The following DSCAM variants were observed in gnomAD, a reference collection of about 807,000 sequenced individuals.
DSCAM encodes cell adhesion molecule DSCAM.
A neutral mutation model predicts 217.7 loss-of-function variants in DSCAM; 47 were observed. The ratio of observed to expected loss-of-function variants is 0.22; its 90% CI spans 0.17 to 0.28. DSCAM has a LOEUF of 0.28. Among genes scored for constraint, DSCAM ranks in the 10% least tolerant of loss-of-function variants. The pLI is 1.00. For missense variants in DSCAM, 2,080 were observed against 2,618.3 expected (o/e 0.79, Z 4.49); for synonymous variants, 1,056 against 1,015.3 (o/e 1.04, Z -0.76).
At chr21:40,169,724 A>G (rs891115417) in intron 15 of DSCAM, among the ~76,000 whole-genome samples, 13 of 152,282 alleles carry the variant, frequency 8.5e-5, no homozygotes, top group African/African-American at 3.1e-4. Context: ...TAATTAAAAC[A>G]AAGGTGTTAA....
chr21:40,232,942 A>C (rs1047746376), intron 11 of DSCAM, among the ~76,000 whole-genome samples: 1 of 152,120 alleles, frequency 6.6e-6, no homozygotes, highest in Non-Finnish European at 1.5e-5. Flanking sequence ...AAGGAAATTA[A>C]ATATGTATAA....
At chr21:40,185,501 G>A (rs948628384) in intron 14 of DSCAM, among the ~76,000 whole-genome samples, 1 of 152,308 alleles carries the variant, frequency 6.6e-6, no homozygotes, top group East Asian at 1.9e-4. Context: ...GTCCTGGGCT[G>A]CTCCAGTAGG....
At chr21:40,309,381 G>GCTGAA (rs1247064840) in intron 9 of DSCAM, among the ~76,000 whole-genome samples, 2 of 152,124 alleles carry the variant, frequency 1.3e-5, no homozygotes, top group Non-Finnish European at 2.9e-5. Context: ...ATTCAATACT[G>GCTGAA]TTTAATATTC....
chr21:40,121,005 C>A (rs1358268112), intron 20 of DSCAM, among the ~76,000 whole-genome samples: 1 of 152,038 alleles, frequency 6.6e-6, no homozygotes, highest in Non-Finnish European at 1.5e-5. Flanking sequence ...ATAAAAGGGA[C>A]CAAATTACAA....
chr21:40,637,196 T>TAA lies in DSCAM; in HGVS notation c.508+55613_508+55614insTT, dbSNP rs1369566164. 2.2e-3 allele frequency among the ~76,000 whole-genome samples: 39 copies of TAA among 17,752 alleles called. 1 individual carries two copies. The highest frequency in any genetic ancestry group is 0.029 in the Middle Eastern group (1 of 34). 11.6% of individuals were successfully genotyped at this position (17,752 alleles called of 152,430 possible). ...ATATATAAATATATATAAATATAAATATATATATAAATATATATAAATATA... is the reference window on the plus strand; with the variant it reads ...ATATATAAATATATATAAATATAAATAAATATATATAAATATATATAAATATA... On this transcript the variant is annotated intron_variant, in intron 3 of 32. Transcript: ENST00000400454.
At chr21:40,140,234 C>T (rs16999365) in intron 18 of DSCAM, among the ~76,000 whole-genome samples, 18,767 of 152,098 alleles carry the variant, frequency 0.12, 1,594 homozygotes, top group African/African-American at 0.24. Context: ...GCTTATCTTT[C>T]GGAAATGAAG....
chr21:40,810,555 C>A (rs1173904246), intron 1 of DSCAM, among the ~76,000 whole-genome samples: 13 of 152,124 alleles, frequency 8.5e-5, no homozygotes, highest in Non-Finnish European at 1.9e-4. Context: ...GCTGACCCAG[C>A]TCCAACCTCC....
chr21:40,084,501 AACACACACACACACACACACACACAC>A (rs145863686), intron 23 of DSCAM, among the ~76,000 whole-genome samples: 23,103 of 137,788 alleles, frequency 0.17, 2,346 homozygotes, highest in South Asian at 0.3. Context: ...TCCAAGATGC[AACACACACACACACACACACACACAC>A]ACACACACAC....
chr21:40,339,349 A>C lies in DSCAM; in HGVS notation c.1277T>G (p.Leu426Arg). Residue 426 changes from leucine (L) to arginine (R), a missense_variant, in exon 7 of 33, where the codon CTT becomes CGT. Leu to Arg is a moderately radical substitution (Grantham distance 102). This residue lies in a region of DSCAM where 568 missense variants were observed against 678.1 expected (regional missense o/e 0.84). Coordinates refer to ENST00000400454, the MANE Select transcript of DSCAM (RefSeq NM_001389.5). ...KVVSPAEPVS[L>R]MCNVKGTPLP... ...AGGTGTTCCCTTCACGTTGCACATA[A>C]GGGAAACCGGCTCTGCTGGACTCAC... The C allele has an allele frequency of 6.2e-7, 1 of 1,614,036 alleles. No homozygotes were observed. Among genetic ancestry groups the C allele is most frequent in the Non-Finnish European group, 8.5e-7 (1 of 1,180,018 alleles).
At position 40,356,799 on chromosome 21, in the gene DSCAM, C is replaced by T. The variant is rs561188257; in HGVS notation, c.656-3056G>A. Among the ~76,000 whole-genome samples, 6 of 152,300 alleles carry T rather than the reference C, an allele frequency of 3.9e-5. No homozygotes were observed. The Middle Eastern group carries it at 0.01, about 259-fold the overall frequency. ...AAATTTCTGTTTTAATAAACAATAA[C>T]ATCAAAAAATCATTTATTAGTAGGA... On this transcript the variant is annotated intron_variant, in intron 4 of 32. Coordinates refer to ENST00000400454, the MANE Select transcript of DSCAM (RefSeq NM_001389.5).
At chr21:40,018,316 A>C (rs1272610863) in intron 32 of DSCAM, among the ~76,000 whole-genome samples, 1 of 152,146 alleles carries the variant, frequency 6.6e-6, no homozygotes, top group Non-Finnish European at 1.5e-5. Flanking sequence ...AGAATCTGAT[A>C]AACAAATTGT....
At chr21:40,074,489 A>G (rs1177770782) in intron 27 of DSCAM, among the ~76,000 whole-genome samples, 1 of 152,234 alleles carries the variant, frequency 6.6e-6, no homozygotes, top group Non-Finnish European at 1.5e-5. Flanking sequence ...GTGTCTGTTC[A>G]CAATGGAGCT....
intron 8 of DSCAM, among the ~76,000 whole-genome samples, chr21:40,313,063 G>A (rs1270875878): frequency 1.3e-5 from 2 of 150,466 alleles, no homozygotes; most frequent in East Asian, 2.0e-4. Flanking sequence ...GCTGCAGTAA[G>A]CTACGAGGGC....
intron 23 of DSCAM, among the ~76,000 whole-genome samples, chr21:40,085,163 C>A (rs186286552): frequency 6.6e-6 from 1 of 152,262 alleles, no homozygotes; most frequent in Non-Finnish European, 1.5e-5. Flanking sequence ...ACTTAGAGCT[C>A]CAGTTACTTT....
At chr21:40,627,100 T>C (rs1338303621) in intron 3 of DSCAM, among the ~76,000 whole-genome samples, 1 of 152,234 alleles carries the variant, frequency 6.6e-6, no homozygotes, top group Non-Finnish European at 1.5e-5. Flanking sequence ...ACAGAAGCCA[T>C]ATCTACTTCA....
rs116833300 is a variant in DSCAM, at chr21:40,314,056, C to T, written c.1784-1697G>A. Among the ~76,000 whole-genome samples the T allele has an allele frequency of 6.3e-3, 960 of 152,226 alleles. 10 individuals are homozygous for T. The highest frequency in any genetic ancestry group is 0.022 in the African/African-American group (920 of 41,538). ...CAATCAAGTCATGTTTATTGAGCAC[C>T]TGGGATGTGTGTGGCAGCAGTGAAC... On this transcript the variant is annotated intron_variant, in intron 8 of 32. Transcript: ENST00000400454.
chr21:40,237,168 C>T (rs996416930), intron 11 of DSCAM, among the ~76,000 whole-genome samples: 7 of 152,304 alleles, frequency 4.6e-5, no homozygotes, highest in African/African-American at 1.7e-4. Flanking sequence ...GAAGTCTGAA[C>T]TCAAGGGTGT....
chr21:40,020,178 G>A (rs986345375), intron 32 of DSCAM, among the ~76,000 whole-genome samples: 2 of 152,272 alleles, frequency 1.3e-5, no homozygotes, highest in East Asian at 3.9e-4. Flanking sequence ...GGCTTTATAA[G>A]GGGTTGCCCC....
At chr21:40,427,858 G>A (rs2075490646) in intron 3 of DSCAM, among the ~76,000 whole-genome samples, 1 of 152,202 alleles carries the variant, frequency 6.6e-6, no homozygotes, top group Non-Finnish European at 1.5e-5. Context: ...GGTCAGTTAA[G>A]TATTGTGTTC....
Sources: gnomAD v4.1 joint callset for allele counts (sites outside exome capture counted in the v4.1 genomes callset) on GRCh38, gnomAD v4.1.1 for gene constraint, gnomAD v4.1.1 regional missense constraint, MANE v1.5 for transcripts, NCBI Gene and HGNC (gene_info 2026-07-23, HGNC 2026-07-21) for gene names.